CDH12: variants seen among roughly 807,000 people sequenced by gnomAD.
CDH12 encodes cadherin 12, also known as cadherin-12.
In CDH12, 41 loss-of-function variants were observed where a neutral mutation model predicts 74.1. That is an observed-to-expected ratio of 0.55 (90% CI 0.43 to 0.72). The LOEUF is 0.72. Ranked by LOEUF, CDH12 falls within the 30% of genes least tolerant of loss-of-function variation. The probability of loss-of-function intolerance (pLI) is 0.00; values close to 1 mark genes in which losing one functional copy is unlikely to be tolerated. For missense variants in CDH12, 945 were observed against 977.2 expected, an observed-to-expected ratio of 0.97 and a Z score of 0.44; for synonymous variants, 399 against 355.0, an observed-to-expected ratio of 1.12 and a Z score of -1.39.
At chr5:22,114,345 A>G (rs1744973449) in intron 4 of CDH12, among the ~76,000 whole-genome samples, 1 of 152,118 alleles carries the variant, frequency 6.6e-6, no homozygotes, top group Non-Finnish European at 1.5e-5. Flanking sequence ...TCATTTTCTA[A>G]TGATATAAAA....
rs534659757 is a variant in CDH12 at position 22,776,067 on chromosome 5, T to C, written c.-523+76991A>G. Reference sequence around the variant, plus strand: ...ATGTGGAACTGTAAGTCCAATTAAATCTCTTTTGCTTTCCAGTCTCAGGTA... The same window carrying C: ...ATGTGGAACTGTAAGTCCAATTAAACCTCTTTTGCTTTCCAGTCTCAGGTA... On this transcript the variant is annotated intron_variant, in intron 1 of 14. Coordinates refer to ENST00000382254, the MANE Select transcript of CDH12 (RefSeq NM_004061.5). Among the ~76,000 whole-genome samples, 11 of 152,206 alleles carry C rather than the reference T, an allele frequency of 7.2e-5. No individual in the cohort carries two copies. The South Asian group carries it at 8.3e-4, about 11-fold the overall frequency.
intron 14 of CDH12, among the ~76,000 whole-genome samples, chr5:21,754,591 A>G (rs2149861759): frequency 6.6e-6 from 1 of 152,272 alleles, no homozygotes; most frequent in South Asian, 2.1e-4. Context: ...GTCAGCATGA[A>G]CTTCTGACTC....
At chr5:22,383,853 C>T (rs1345525318) in intron 3 of CDH12, among the ~76,000 whole-genome samples, 3 of 152,132 alleles carry the variant, frequency 2.0e-5, no homozygotes, top group Admixed American at 6.5e-5. Context: ...CCATTTCTCC[C>T]TCCCTTCTCT....
At chr5:22,294,508 G>GCAGGATTTAAGGT (rs1487486416) in intron 3 of CDH12, among the ~76,000 whole-genome samples, 2 of 152,260 alleles carry the variant, frequency 1.3e-5, no homozygotes, top group African/African-American at 4.8e-5. Context: ...ATGCTTAAGG[G>GCAGGATTTAAGGT]CAGGATTTAA....
chr5:22,186,763 G>T (rs1332566886), intron 4 of CDH12, among the ~76,000 whole-genome samples: 1 of 152,168 alleles, frequency 6.6e-6, no homozygotes, highest in African/African-American at 2.4e-5. Flanking sequence ...GAGTCACTGA[G>T]CCTGGCCAGC....
chr5:22,614,842 A>G (rs1023534027), intron 1 of CDH12, among the ~76,000 whole-genome samples: 1 of 152,020 alleles, frequency 6.6e-6, no homozygotes, highest in African/African-American at 2.4e-5. Context: ...ATTCTTCACA[A>G]TTTCACAGAT....
intron 6 of CDH12, among the ~76,000 whole-genome samples, chr5:21,905,636 T>C (rs938117947): frequency 1.3e-5 from 2 of 152,190 alleles, no homozygotes; most frequent in African/African-American, 4.8e-5. Flanking sequence ...CTCCTTACAG[T>C]CTGTGTTTTT....
intron 6 of CDH12, among the ~76,000 whole-genome samples, chr5:21,878,574 C>A (rs77856050): frequency 0.013 from 1,517 of 119,368 alleles, no homozygotes; most frequent in Non-Finnish European, 0.015. Context: ...ACCAAAAATA[C>A]AAAAAAAAAA....
At chr5:22,161,083 T>C (rs1748317394) in intron 4 of CDH12, among the ~76,000 whole-genome samples, 1 of 152,256 alleles carries the variant, frequency 6.6e-6, no homozygotes, top group East Asian at 1.9e-4. Flanking sequence ...TTTCATTCCA[T>C]AATTTAAGGG....
At chr5:22,480,503 T>C (rs1746344557) in intron 2 of CDH12, among the ~76,000 whole-genome samples, 2 of 151,260 alleles carry the variant, frequency 1.3e-5, no homozygotes, top group Non-Finnish European at 2.9e-5. Context: ...GAGAATCACC[T>C]GAGCCCAGGA....
intron 1 of CDH12, among the ~76,000 whole-genome samples, chr5:22,797,651 TA>T (rs1486759829): frequency 2.0e-5 from 3 of 152,196 alleles, no homozygotes; most frequent in Non-Finnish European, 4.4e-5. Context: ...TATGTAGAAA[TA>T]AAAGATTCTC....
intron 3 of CDH12, among the ~76,000 whole-genome samples, chr5:22,239,962 G>A (rs192967605): frequency 3.9e-5 from 6 of 152,092 alleles, no homozygotes; most frequent in Admixed American, 1.3e-4. Flanking sequence ...CATCTTTCCC[G>A]GTACTTCTTC....
chr5:22,640,469 C>T (rs1265682149), intron 1 of CDH12, among the ~76,000 whole-genome samples: 1 of 152,184 alleles, frequency 6.6e-6, no homozygotes, highest in Non-Finnish European at 1.5e-5. Flanking sequence ...TTCTCCTCTA[C>T]TTCTTTGCCC....
chr5:22,505,968 A>T (rs1193318982), intron 1 of CDH12, among the ~76,000 whole-genome samples: 3 of 152,028 alleles, frequency 2.0e-5, no homozygotes, highest in African/African-American at 7.2e-5. Context: ...ACAGATCTTG[A>T]TCAGCTGACT....
At chr5:22,175,718 G>A (rs1386588137) in intron 4 of CDH12, among the ~76,000 whole-genome samples, 1 of 152,102 alleles carries the variant, frequency 6.6e-6, no homozygotes, top group African/African-American at 2.4e-5. Context: ...CGTGAATGCT[G>A]ATGGCAGAAT....
At chr5:21,910,315 G>A (rs938950640) in intron 6 of CDH12, among the ~76,000 whole-genome samples, 1 of 152,098 alleles carries the variant, frequency 6.6e-6, no homozygotes, top group African/African-American at 2.4e-5. Flanking sequence ...ATCAAATTCA[G>A]AAGCTCCAAG....
At chr5:22,033,348 A>T (rs115276869) in intron 5 of CDH12, among the ~76,000 whole-genome samples, 50 of 152,322 alleles carry the variant, frequency 3.3e-4, no homozygotes, top group Middle Eastern at 3.4e-3. Flanking sequence ...TTTTCACAGC[A>T]ATTACCTAGC....
chr5:22,477,611 T>A (rs970203127), intron 2 of CDH12, among the ~76,000 whole-genome samples: 2 of 152,200 alleles, frequency 1.3e-5, no homozygotes, highest in Non-Finnish European at 2.9e-5. Flanking sequence ...AGTAATGGGA[T>A]TGCTGGGTCA....
At chr5:22,748,946 C>T (rs1745423421) in intron 1 of CDH12, among the ~76,000 whole-genome samples, 1 of 152,130 alleles carries the variant, frequency 6.6e-6, no homozygotes. Context: ...CCTTGAAACT[C>T]ACTGGGCTGG....
Sources: allele counts gnomAD v4.1 joint callset (sites outside exome capture counted in the v4.1 genomes callset), GRCh38; gene constraint gnomAD v4.1.1; transcripts MANE v1.5; gene names NCBI Gene and HGNC (gene_info 2026-07-23, HGNC 2026-07-21).